Variants in TBC1D12 observed in about 807,000 individuals in gnomAD.
The protein encoded by TBC1D12 is TBC1 domain family, member 12.
TBC1D12 carries 56 observed loss-of-function variants against 86.7 expected under a neutral mutation model. The observed-to-expected ratio is 0.65, with a 90% CI of 0.52 to 0.81. TBC1D12 has a LOEUF of 0.81. Among genes scored for constraint, TBC1D12 ranks in the 30% least tolerant of loss-of-function variants. The pLI, the probability that TBC1D12 is intolerant of heterozygous loss-of-function variation, is 0.00. For missense variants in TBC1D12, 1,023 were observed against 1,038.8 expected (o/e 0.98, Z 0.21); for synonymous variants, 421 against 411.7 (o/e 1.02, Z -0.27).
chr10:94,442,740 C>T (rs1217416501), intron 2 of TBC1D12, among the ~76,000 whole-genome samples: 1 of 152,090 alleles, frequency 6.6e-6, no homozygotes, highest in Non-Finnish European at 1.5e-5. Context: ...TATTTTTATC[C>T]TTCCCAATTG....
chr10:94,499,246 T>C (rs1418041979), intron 5 of TBC1D12, among the ~76,000 whole-genome samples: 1 of 152,234 alleles, frequency 6.6e-6, no homozygotes, highest in East Asian at 1.9e-4. Context: ...TTCTATGTAA[T>C]AGGTCACTAA....
chr10:94,525,167 T>A, intron 11 of TBC1D12, among the ~76,000 whole-genome samples: 1 of 152,200 alleles, frequency 6.6e-6, no homozygotes, highest in East Asian at 1.9e-4. Flanking sequence ...AGGGTTTTTT[T>A]AGTTGTAAGA....
intron 2 of TBC1D12, among the ~76,000 whole-genome samples, chr10:94,455,876 TGAACTCGGGAA>T (rs751667949): frequency 6.6e-6 from 1 of 152,170 alleles, no homozygotes; most frequent in Non-Finnish European, 1.5e-5. Context: ...GAGACTCGCT[TGAACTCGGGAA>T]GCAGAGGTTC....
chr10:94,450,640 A>T (rs2055536240), intron 2 of TBC1D12, among the ~76,000 whole-genome samples: 1 of 152,090 alleles, frequency 6.6e-6, no homozygotes, highest in Admixed American at 6.6e-5. Flanking sequence ...AACAGTAACG[A>T]TCGAGCAATC....
At chr10:94,476,072 C>G (rs897884757) in intron 3 of TBC1D12, among the ~76,000 whole-genome samples, 1 of 151,968 alleles carries the variant, frequency 6.6e-6, no homozygotes, top group African/African-American at 2.4e-5. Context: ...CCTGAGTAGC[C>G]AGGACTACAC....
intron 1 of TBC1D12, among the ~76,000 whole-genome samples, chr10:94,411,516 A>G (rs746319701): frequency 5.3e-5 from 8 of 152,058 alleles, no homozygotes; most frequent in Admixed American, 4.6e-4. Flanking sequence ...TGAGGCCAGG[A>G]GTTCCAGCCT....
At chr10:94,496,648 T>C (rs1589658218) in intron 4 of TBC1D12, among the ~76,000 whole-genome samples, 1 of 152,178 alleles carries the variant, frequency 6.6e-6, no homozygotes, top group Middle Eastern at 3.2e-3. Flanking sequence ...CTTAAATTAT[T>C]TTTCTGACCT....
chr10:94,490,040 G>C (rs2056225727), intron 3 of TBC1D12, among the ~76,000 whole-genome samples: 1 of 152,152 alleles, frequency 6.6e-6, no homozygotes, highest in Admixed American at 6.6e-5. Flanking sequence ...CTGAGGTCAG[G>C]AGTTTGAGAC....
chr10:94,446,492 G>A (rs570670080), intron 2 of TBC1D12, among the ~76,000 whole-genome samples: 3 of 152,214 alleles, frequency 2.0e-5, no homozygotes, highest in African/African-American at 7.2e-5. Flanking sequence ...GTATTTCATT[G>A]GCTAATAACT....
At chr10:94,526,649 G>A (rs1268981003) in intron 11 of TBC1D12, among the ~76,000 whole-genome samples, 1 of 152,074 alleles carries the variant, frequency 6.6e-6, no homozygotes, top group East Asian at 1.9e-4. Flanking sequence ...TGGATACTCA[G>A]GTTGATTCCA....
chr10:94,438,603 G>A (rs1253883322), intron 1 of TBC1D12, among the ~76,000 whole-genome samples: 1 of 152,056 alleles, frequency 6.6e-6, no homozygotes, highest in Non-Finnish European at 1.5e-5. Context: ...TATCCCCACT[G>A]CCACAAGAGG....
At position 94,445,887 on chromosome 10, in the gene TBC1D12, G is replaced by A. The variant is rs539178471; in HGVS notation, c.1095+3868G>A. On this transcript the variant is annotated intron_variant, in intron 2 of 12. Transcript: ENST00000225235. ...CACTTGAGCCTGGGAGGCAGAGGTC[G>A]TAGTGAGCCAAGGTCGTGCCCTTGC... Among the ~76,000 whole-genome samples the A allele has an allele frequency of 2.0e-5, 3 of 152,054 alleles. No individual in the cohort carries two copies. In the South Asian group the frequency reaches 6.2e-4, roughly 32 times the overall value.
At chr10:94,424,705 G>C (rs1328546406) in intron 1 of TBC1D12, among the ~76,000 whole-genome samples, 1 of 152,202 alleles carries the variant, frequency 6.6e-6, no homozygotes, top group Non-Finnish European at 1.5e-5. Flanking sequence ...GGAGTACCTG[G>C]CATGTCTGAA....
chr10:94,447,865 A>G (rs570509000), intron 2 of TBC1D12, among the ~76,000 whole-genome samples: 11 of 149,184 alleles, frequency 7.4e-5, no homozygotes, highest in Non-Finnish European at 1.3e-4. Flanking sequence ...TAATTATGAT[A>G]CAATTGCATA....
chr10:94,444,008 A>C (rs1164835488), intron 2 of TBC1D12, among the ~76,000 whole-genome samples: 2 of 152,050 alleles, frequency 1.3e-5, no homozygotes, highest in Non-Finnish European at 2.9e-5. Context: ...TGTCTCTACC[A>C]AAAATACAAA....
At chr10:94,434,836 G>A (rs994981092) in intron 1 of TBC1D12, among the ~76,000 whole-genome samples, 4 of 152,136 alleles carry the variant, frequency 2.6e-5, no homozygotes, top group African/African-American at 9.7e-5. Context: ...GAGCCTGAGA[G>A]GTCGAGCTCT....
intron 2 of TBC1D12, among the ~76,000 whole-genome samples, chr10:94,470,594 C>T (rs1244359123): frequency 6.6e-6 from 1 of 151,838 alleles, no homozygotes; most frequent in African/African-American, 2.4e-5. Context: ...AACTCCTAGG[C>T]ACAAGTGATC....
intron 1 of TBC1D12, among the ~76,000 whole-genome samples, chr10:94,408,681 A>T (rs564619105): frequency 6.6e-6 from 1 of 152,302 alleles, no homozygotes; most frequent in South Asian, 2.1e-4. Flanking sequence ...TCTCTGTCCT[A>T]TAAGTCTCCC....
intron 1 of TBC1D12, among the ~76,000 whole-genome samples, chr10:94,413,100 C>T (rs1184448430): frequency 6.6e-6 from 1 of 152,172 alleles, no homozygotes; most frequent in African/African-American, 2.4e-5. Flanking sequence ...ACCTTTATAG[C>T]TCACATTGCT....
Sources: allele counts gnomAD v4.1 joint callset (sites outside exome capture counted in the v4.1 genomes callset), GRCh38; gene constraint gnomAD v4.1.1; transcripts MANE v1.5; gene names NCBI Gene and HGNC (gene_info 2026-07-23, HGNC 2026-07-21).